Variants in STAB1 observed in about 807,000 individuals in gnomAD.
STAB1 encodes stabilin 1.
STAB1 carries 250 observed loss-of-function variants against 332.4 expected under a neutral mutation model. The observed-to-expected ratio is 0.75, with a 90% CI of 0.68 to 0.84. STAB1 has a LOEUF of 0.84. Among genes scored for constraint, STAB1 ranks in the 40% least tolerant of loss-of-function variants. STAB1 has a pLI of 0.00. For synonymous variants in STAB1, 1,475 were observed against 1,390.4 expected (o/e 1.06, Z -1.35); for missense variants, 3,249 against 3,489.7 (o/e 0.93, Z 1.74).
At chr3:52,496,312 G>A (rs1056237871) in intron 1 of STAB1, among the ~76,000 whole-genome samples, 1 of 152,224 alleles carries the variant, frequency 6.6e-6, no homozygotes, top group African/African-American at 2.4e-5. Flanking sequence ...CTCCCACCCT[G>A]GTGATGGGGG....
chr3:52,503,212 A>G, intron 7 of STAB1, 103 bp downstream of exon 7: 1 of 1,492,450 alleles, frequency 6.7e-7, no homozygotes, highest in Non-Finnish European at 9.1e-7. Flanking sequence ...AAGGAGGGAG[A>G]GCCATTCCTA....
intron 52 of STAB1, 54 bp from the exon 53 acceptor site, chr3:52,520,346 T>C: frequency 1.2e-6 from 2 of 1,612,834 alleles, no homozygotes; most frequent in East Asian, 2.2e-5. Context: ...GCCCTGGCAG[T>C]AGCAGCTGGA....
chr3:52,523,006 T>C lies in STAB1; in HGVS notation c.6911-19T>C, dbSNP rs1005568054. On this transcript the variant is annotated intron_variant, in intron 62 of 68. Coordinates refer to ENST00000321725, the MANE Select transcript of STAB1 (RefSeq NM_015136.3). ...CCTTCCCACCAATCTGCTGAGCCAC[T>C]GACCTGCTTTTCCTGCAGATGTGGC... The C allele has an allele frequency of 7.6e-6, 12 of 1,587,956 alleles. No individual in the cohort carries two copies. The highest frequency in any genetic ancestry group is 1.0e-5 in the Non-Finnish European group (12 of 1,163,384).
intron 1 of STAB1, among the ~76,000 whole-genome samples, chr3:52,497,067 T>C (rs991030737): frequency 5.3e-5 from 8 of 152,198 alleles, no homozygotes; most frequent in African/African-American, 1.7e-4. Flanking sequence ...AGTGGCGTGA[T>C]CTCGGCTCAG....
At position 52,523,716 on chromosome 3, in the gene STAB1, T is replaced by G; in HGVS notation, c.7355T>G (p.Ile2452Ser). ...GACATCATGGCCTTCAATGGCATCA[T>G]CCATGCTCTGGCCAGCCCCCTCCTG... ...VWDIMAFNGI[I>S]HALASPLLAP... is the part of the protein sequence containing the mutation. Residue 2452 changes from isoleucine to serine, a missense_variant, in exon 66 of 69, where the codon ATC (isoleucine) becomes AGC (serine). Ile to Ser is a moderately radical substitution (Grantham distance 142). Transcript: ENST00000321725. 6.2e-7 allele frequency: 1 copy of G among 1,606,878 alleles called. No homozygotes were observed. The highest frequency in any genetic ancestry group is 8.5e-7 in the Non-Finnish European group (1 of 1,174,920).
intron 18 of STAB1, among the ~76,000 whole-genome samples, chr3:52,507,201 T>C (rs1708939730): frequency 6.6e-6 from 1 of 152,182 alleles, no homozygotes; most frequent in African/African-American, 2.4e-5. Flanking sequence ...TCCGCCAACA[T>C]GCCTGGCTAA....
chr3:52,509,170 C>T, intron 21 of STAB1, 40 bp from the exon 22 acceptor site: 1 of 1,588,236 alleles, frequency 6.3e-7, no homozygotes, highest in East Asian at 2.2e-5. Context: ...GTAGAGAGTC[C>T]CTTTCCCATG....
rs755142427 is a variant in STAB1, at chr3:52,523,559, A to C, written c.7273A>C (p.Ser2425Arg). 9.9e-6 allele frequency: 16 copies of C among 1,612,676 alleles called. No individual in the cohort carries two copies. The South Asian group carries it at 1.6e-4, about 17-fold the overall frequency. The change falls in exon 65 of 69, where the codon AGT becomes CGT. Residue 2425 changes from serine to arginine, a missense_variant. Coordinates refer to ENST00000321725, the MANE Select transcript of STAB1 (RefSeq NM_015136.3). ...CATCAGTGACGCAGGCCCTGACAAC[A>C]GTTCCTGGGCCCCTGTGGTGAGTCT... ...LIISDAGPDN[S>R]SWAPVAPGTV...
intron 20 of STAB1, 91 bp downstream of exon 20, chr3:52,508,117 C>A: frequency 7.1e-7 from 1 of 1,403,094 alleles, no homozygotes; most frequent in Non-Finnish European, 9.9e-7. Context: ...GGGCTCCCTC[C>A]CTCAGAGGAT....
Position 52,504,137 on chromosome 3 carries a change from G to T in STAB1, c.1132G>T (p.Val378Phe). 1.3e-6 allele frequency: 2 copies of T among 1,589,412 alleles called. No homozygotes were observed. The highest frequency in any genetic ancestry group is 1.7e-6 in the Non-Finnish European group (2 of 1,169,762). The change falls in exon 10 of 69, where the codon GTC becomes TTC. Residue 378 changes from valine (V) to phenylalanine (F), a missense_variant. Physicochemically the swap from Val to Phe is conservative, Grantham distance 50 (BLOSUM62 -1). Coordinates refer to ENST00000321725, the MANE Select transcript of STAB1 (RefSeq NM_015136.3). ...AGGCCGGGTGTTCCTGCAGCTGAGGGTCGCCGTGGCCATGATGGGTGCGTG... is the reference window on the plus strand; with the variant it reads ...AGGCCGGGTGTTCCTGCAGCTGAGGTTCGCCGTGGCCATGATGGGTGCGTG... Reference protein sequence around the residue: ...QTGRVFLQLRVAVAMMDQGCR... With the variant: ...QTGRVFLQLRFAVAMMDQGCR...
rs1377160906 is a variant in STAB1, at chr3:52,519,294, G to A, written c.5065G>A (p.Val1689Met). The A allele has an allele frequency of 1.9e-6, 3 of 1,612,896 alleles. No individual in the cohort carries two copies. The highest frequency in any genetic ancestry group is 3.3e-5 in the Admixed American group (2 of 60,012). ...CATATACCTCAATGACTTCGCGCGC[G>A]TGGTGAGCAGCGACCATGAGGCCGT... ...GSIYLNDFARVVSSDHEAVNG... is the reference protein window; with the variant it reads ...GSIYLNDFARMVSSDHEAVNG... The change falls in exon 49 of 69, where the codon GTG becomes ATG. Residue 1689 changes from valine (V) to methionine (M), a missense_variant. Physicochemically the swap from Val to Met is conservative, Grantham distance 21. Transcript: ENST00000321725.
rs138119721 is a variant in STAB1, at chr3:52,520,835, C to T, written c.5738C>T (p.Pro1913Leu). Residue 1913 changes from proline to leucine, a missense_variant, in exon 55 of 69, where the codon CCG becomes CTG. Transcript: ENST00000321725. ...CCTGAGGCCTGCTGGCGCTTCTACC[C>T]GAAGTTCTGGACGTCCCCTCCGCTG... ...GSPEACWRFYPKFWTSPPLHS... is the reference protein window; with the variant it reads ...GSPEACWRFYLKFWTSPPLHS... The T allele has an allele frequency of 1.6e-5, 25 of 1,612,708 alleles. No homozygotes were observed. The African/African-American group carries it at 1.6e-4, about 10-fold the overall frequency.
At chr3:52,499,569 C>CCCTCCA (rs1396677130) in intron 1 of STAB1, among the ~76,000 whole-genome samples, 5 of 152,252 alleles carry the variant, frequency 3.3e-5, no homozygotes, top group African/African-American at 4.8e-5. Context: ...GCCCCTGCGA[C>CCCTCCA]TGTATTCTCC....
intron 13 of STAB1, 67 bp from the exon 14 acceptor site, chr3:52,505,252 T>C (rs1708764159): frequency 6.8e-6 from 11 of 1,608,106 alleles, no homozygotes; most frequent in Non-Finnish European, 9.4e-6. Context: ...GGAGCGCAGC[T>C]TCTCCCCGCT....
chr3:52,497,873 A>G (rs1338995063), intron 1 of STAB1, among the ~76,000 whole-genome samples: 1 of 152,184 alleles, frequency 6.6e-6, no homozygotes, highest in African/African-American at 2.4e-5. Flanking sequence ...AAGGGCAGCA[A>G]CAGGACTGGA....
chr3:52,504,701 C>T (rs769551569), intron 11 of STAB1, 38 bp from the exon 12 acceptor site: 14 of 1,613,068 alleles, frequency 8.7e-6, no homozygotes, highest in Non-Finnish European at 1.1e-5. Context: ...AGAGGACTGG[C>T]CCCCCGGCTC....
At chr3:52,504,243 G>T in intron 10 of STAB1, 88 bp downstream of exon 10, 1 of 1,520,026 alleles carries the variant, frequency 6.6e-7, no homozygotes, top group Non-Finnish European at 8.8e-7. Flanking sequence ...GCAGATTCCA[G>T]TTTCTCTGCC....
Position 52,518,341 on chromosome 3 carries a change from C to T in STAB1, c.4791C>T (p.Phe1597=), listed in dbSNP as rs1444984663. 5 of 1,612,682 alleles carry T rather than the reference C, an allele frequency of 3.1e-6. No homozygotes were observed. In the Admixed American group the frequency reaches 5.0e-5, roughly 16 times the overall value. The change falls in exon 46 of 69, where the codon TTC becomes TTT. Residue 1597 remains phenylalanine, a synonymous_variant. Coordinates refer to ENST00000321725, the MANE Select transcript of STAB1 (RefSeq NM_015136.3). ...TCCTGAGGGATAAGCATGCCTCATT[C>T]TTCAGCCTCCGCCTCCTGGTGAGTG... ...LELLRDKHAS[F]FSLRLLEYKE...
intron 18 of STAB1, among the ~76,000 whole-genome samples, chr3:52,507,287 C>T (rs1232434062): frequency 1.3e-5 from 2 of 152,208 alleles, no homozygotes; most frequent in Non-Finnish European, 2.9e-5. Flanking sequence ...TCAGGTGATC[C>T]GCCCACCTCG....
Sources: allele counts gnomAD v4.1 joint callset (sites outside exome capture counted in the v4.1 genomes callset), GRCh38; gene constraint gnomAD v4.1.1; transcripts MANE v1.5; gene names NCBI Gene and HGNC (gene_info 2026-07-23, HGNC 2026-07-21).